Variants in TSC2 observed in about 807,000 individuals in gnomAD.
TSC2 encodes tuberin.
TSC2 carries 29 observed loss-of-function variants against 202.2 expected under a neutral mutation model. The ratio of observed to expected loss-of-function variants is 0.14; its 90% CI spans 0.11 to 0.20. The LOEUF is 0.20. TSC2 is among the 10% of genes least tolerant of loss of function. TSC2 has a pLI of 1.00. For synonymous variants in TSC2, 1,349 were observed against 1,044.0 expected (o/e 1.29, Z -5.63); for missense variants, 2,429 against 2,420.0 (o/e 1.00, Z -0.08).
intron 24 of TSC2, 111 bp from the exon 25 acceptor site, chr16:2,076,380 C>A: frequency 1.3e-6 from 2 of 1,584,650 alleles, no homozygotes; most frequent in Non-Finnish European, 1.7e-6. Flanking sequence ...GTGCCGCCGC[C>A]TTGCCCCTAG....
In TSC2 at chr16:2,082,635, C is replaced by T. The variant is rs1012131801; in HGVS notation, c.3883+131C>T. 82 of 976,264 alleles carry T rather than the reference C, an allele frequency of 8.4e-5. No individual in the cohort carries two copies. In the African/African-American group the frequency reaches 1.1e-3, roughly 14 times the overall value. The allele number at this position is 976,264 out of a possible 1,614,324, so 60.5% of individuals were successfully genotyped here. On this transcript the variant is annotated intron_variant, in intron 32 of 41. Coordinates refer to ENST00000219476, the MANE Select transcript of TSC2 (RefSeq NM_000548.5). Reference sequence around the variant, plus strand: ...TTGCCCTGGGGAGCAGGTCCCGACTCGCATGAGGACGTCTGTGCAGAATGT... The same window carrying T: ...TTGCCCTGGGGAGCAGGTCCCGACTTGCATGAGGACGTCTGTGCAGAATGT...
Position 2,085,012 on chromosome 16 carries a change from C to G in TSC2, c.4555C>G (p.Leu1519Val). 1.9e-6 allele frequency: 3 copies of G among 1,613,438 alleles called. No homozygotes were observed. Among genetic ancestry groups the G allele is most frequent in the Non-Finnish European group, 1.7e-6 (2 of 1,179,998 alleles). The change falls in exon 35 of 42, where the codon CTG becomes GTG. Residue 1519 changes from leucine (L) to valine (V), a missense_variant. By Grantham distance (32) the Leu-to-Val change is conservative (BLOSUM62 1). Coordinates refer to ENST00000219476, the MANE Select transcript of TSC2 (RefSeq NM_000548.5). ...TGGCGACGAGTCAAACAAGCCAATC[C>G]TGCTGCCCAATGAGGTAGGCGTGGC... Reference protein sequence around the residue: ...FFGDESNKPILLPNESQSFER... With the variant: ...FFGDESNKPIVLPNESQSFER...
rs569912958 is a variant in TSC2 at position 2,070,598 on chromosome 16, G to A, written c.1839+20G>A. 7.5e-5 allele frequency: 121 copies of A among 1,612,720 alleles called. No individual in the cohort carries two copies. The highest frequency in any genetic ancestry group is 1.8e-4 in the East Asian group (8 of 44,872). ...CTGCAGGTATGGTGGCTGGGGTTGC[G>A]CAGCCAGTTCCTGGGGGCCCAGCCA... On this transcript the variant is annotated intron_variant, in intron 17 of 41. Transcript: ENST00000219476.
chr16:2,071,349 G>C (rs1395871816), intron 17 of TSC2, 161 bp from the exon 18 acceptor site: 7 of 737,410 alleles, frequency 9.5e-6, no homozygotes, highest in Non-Finnish European at 1.7e-5. Flanking sequence ...GTGTCACCAG[G>C]ACAGAGCCTG....
intron 7 of TSC2, 108 bp downstream of exon 7, chr16:2,056,352 C>A: frequency 6.7e-7 from 1 of 1,483,032 alleles, no homozygotes; most frequent in Non-Finnish European, 9.3e-7. Flanking sequence ...TAGCCCTGGG[C>A]AAGCTGCTCG....
At chr16:2,076,315 G>A (rs1011336269) in intron 24 of TSC2, 145 bp downstream of exon 24, 15 of 1,559,962 alleles carry the variant, frequency 9.6e-6, no homozygotes, top group Non-Finnish European at 1.3e-5. Flanking sequence ...TGGGGGCTCT[G>A]CTGGGCAGCC....
chr16:2,082,657 ATG>A (rs1232290266), intron 32 of TSC2, 153 bp downstream of exon 32: 1 of 858,002 alleles, frequency 1.2e-6, no homozygotes, highest in Non-Finnish European at 1.9e-6. Context: ...TCTGTGCAGA[ATG>A]TCTTTGGCTT....
rs182743311 is a variant in TSC2, at chr16:2,063,068, G to A, written c.1443+15G>A. 86 of 1,551,372 alleles carry A rather than the reference G, an allele frequency of 5.5e-5. No homozygotes were observed. In the Admixed American group the frequency reaches 6.9e-4, roughly 12 times the overall value. On this transcript the variant is annotated intron_variant, in intron 14 of 41. Coordinates refer to ENST00000219476, the MANE Select transcript of TSC2 (RefSeq NM_000548.5). ...AGTTCTATGAGGTGCGTGTCCAGGC[G>A]GCCGCAGCTGGGGGCTCAGGGCTAT...
intron 16 of TSC2, among the ~76,000 whole-genome samples, chr16:2,069,417 A>G (rs1267518258): frequency 6.7e-6 from 1 of 149,836 alleles, no homozygotes; most frequent in Non-Finnish European, 1.5e-5. Flanking sequence ...CCTGGGTTCA[A>G]GCGATTCTCC....
At chr16:2,076,373 C>T in intron 24 of TSC2, 118 bp from the exon 25 acceptor site, 1 of 1,577,544 alleles carries the variant, frequency 6.3e-7, no homozygotes, top group Non-Finnish European at 8.6e-7. Flanking sequence ...GAGCTGGGTG[C>T]CGCCGCCTTG....
At chr16:2,056,530 C>T in intron 7 of TSC2, 114 bp from the exon 8 acceptor site, 2 of 1,464,480 alleles carry the variant, frequency 1.4e-6, no homozygotes, top group Non-Finnish European at 9.2e-7. Flanking sequence ...GGTGCCATGG[C>T]AGCGGGGAGA....
At chr16:2,080,083 G>T (rs998905595) in intron 29 of TSC2, 82 bp from the exon 30 acceptor site, 27 of 1,581,646 alleles carry the variant, frequency 1.7e-5, no homozygotes, top group Middle Eastern at 3.3e-4. Context: ...AGCTTGCCAG[G>T]CTCGGGGGGA....
chr16:2,054,623 A>G, intron 5 of TSC2, 183 bp downstream of exon 5: 1 of 842,978 alleles, frequency 1.2e-6, no homozygotes, highest in Non-Finnish European at 1.9e-6. Flanking sequence ...GCACGTGTTA[A>G]AAATGCAGAG....
intron 3 of TSC2, among the ~76,000 whole-genome samples, chr16:2,052,807 A>C (rs532655437): frequency 3.9e-5 from 6 of 152,232 alleles, no homozygotes; most frequent in Admixed American, 6.5e-5. Flanking sequence ...TAGTTAGAGG[A>C]GGCAGATTTC....
chr16:2,052,616 C>T (rs998937108), intron 3 of TSC2, among the ~76,000 whole-genome samples: 3 of 152,194 alleles, frequency 2.0e-5, no homozygotes, highest in African/African-American at 7.2e-5. Context: ...GGCCAGAACA[C>T]GGCCATTTTA....
intron 12 of TSC2, 25 bp downstream of exon 12, chr16:2,062,033 C>T: frequency 6.2e-7 from 1 of 1,613,758 alleles, no homozygotes; most frequent in Non-Finnish European, 8.5e-7. Flanking sequence ...TGGGTGGGGC[C>T]TTTGGGCTTT....
At chr16:2,061,236 T>C (rs2086601864) in intron 11 of TSC2, 3 of 315,120 alleles carry the variant, frequency 9.5e-6, no homozygotes, top group South Asian at 8.5e-5. Context: ...CTCATCAGCA[T>C]AGGGGCCCTG....
rs2089922470 is a variant in TSC2, at chr16:2,079,980, C to T, written c.3398-185C>T. On this transcript the variant is annotated intron_variant, in intron 29 of 41. Transcript: ENST00000219476. This position sits in a 1 kb window ranked among gnomAD's most constrained non-coding sequence, Gnocchi z 4.6. ...CTGACTGCAGGACAGGTTCTGGGTC[C>T]CTCCCTGTGGCCCTGGGTTCACTGA... 6.6e-6 allele frequency among the ~76,000 whole-genome samples: 1 copy of T among 152,216 alleles called. No homozygotes were observed. The highest frequency in any genetic ancestry group is 2.1e-4 in the South Asian group (1 of 4,826).
intron 33 of TSC2, 121 bp from the exon 34 acceptor site, chr16:2,084,107 C>G (rs994259804): frequency 6.6e-7 from 1 of 1,518,958 alleles, no homozygotes; most frequent in Admixed American, 2.0e-5. Flanking sequence ...TAGCCTGGTG[C>G]TCGGGCTGGT....
Sources: gnomAD v4.1 joint callset for allele counts (sites outside exome capture counted in the v4.1 genomes callset) on GRCh38, gnomAD v4.1.1 for gene constraint, Gnocchi (gnomAD v3.1) non-coding constraint, MANE v1.5 for transcripts, NCBI Gene and HGNC (gene_info 2026-07-23, HGNC 2026-07-21) for gene names.